The following MCC variants were observed in gnomAD, a reference collection of about 807,000 sequenced individuals.
MCC encodes the protein MCC regulator of Wnt signaling pathway, also known as colorectal mutant cancer protein.
Under a neutral mutation model 116.2 loss-of-function variants are expected in MCC, and 90 were observed. The ratio of observed to expected loss-of-function variants is 0.77; its 90% CI spans 0.65 to 0.92. MCC has a LOEUF of 0.92. MCC is among the 40% of genes least tolerant of loss of function. The pLI, the probability that MCC is intolerant of heterozygous loss-of-function variation, is 0.00. For synonymous variants in MCC, 578 were observed against 510.5 expected (o/e 1.13, Z -1.78); for missense variants, 1,516 against 1,312.2 (o/e 1.16, Z -2.40).
chr5:113,227,195 C>G (rs1358619348), intron 3 of MCC, among the ~76,000 whole-genome samples: 1 of 152,176 alleles, frequency 6.6e-6, no homozygotes, highest in Non-Finnish European at 1.5e-5. Flanking sequence ...TAATATTTCT[C>G]TAGACACATT....
At chr5:113,205,358 T>C (rs1201079983) in intron 3 of MCC, among the ~76,000 whole-genome samples, 1 of 152,224 alleles carries the variant, frequency 6.6e-6, no homozygotes, top group Non-Finnish European at 1.5e-5. Flanking sequence ...CCTGCTTGCT[T>C]ACTAAACAGG....
chr5:113,328,945 G>T (rs918689567), intron 3 of MCC, among the ~76,000 whole-genome samples: 1 of 152,156 alleles, frequency 6.6e-6, no homozygotes, highest in Non-Finnish European at 1.5e-5. Flanking sequence ...GACACTGCCT[G>T]CAGCATCCCT....
At chr5:113,471,991 C>T (rs978684730) in intron 1 of MCC, among the ~76,000 whole-genome samples, 4 of 152,000 alleles carry the variant, frequency 2.6e-5, no homozygotes, top group South Asian at 2.1e-4. Context: ...CCTGGTGTGC[C>T]GTTTTTTAAG....
chr5:113,222,859 C>G (rs1252309784), intron 3 of MCC, among the ~76,000 whole-genome samples: 1 of 152,176 alleles, frequency 6.6e-6, no homozygotes, highest in African/African-American at 2.4e-5. Context: ...AAAGAACACA[C>G]AACCCTGGGG....
intron 8 of MCC, among the ~76,000 whole-genome samples, chr5:113,094,642 G>A (rs796757751): frequency 3.9e-5 from 6 of 152,010 alleles, no homozygotes; most frequent in African/African-American, 9.7e-5. Context: ...GGCTGGTCTC[G>A]AACTCCTGAC....
At chr5:113,168,861 G>A (rs1457900535) in intron 3 of MCC, among the ~76,000 whole-genome samples, 3 of 152,258 alleles carry the variant, frequency 2.0e-5, no homozygotes, top group Admixed American at 2.0e-4. Context: ...AAAGCACAAA[G>A]ACTCTAAATT....
In MCC at chr5:113,043,135, A is replaced by G. The variant is rs372284509; in HGVS notation, c.2756+395T>C. ...ATAGAGGAAAATTTCCCAGAACTAAATAAATACACAAAGCTTTTTCACACT... is the reference window on the plus strand; with the variant it reads ...ATAGAGGAAAATTTCCCAGAACTAAGTAAATACACAAAGCTTTTTCACACT... On this transcript the variant is annotated intron_variant, in intron 17 of 18. Coordinates refer to ENST00000408903, the MANE Select transcript of MCC (RefSeq NM_001085377.2). 5.9e-5 allele frequency among the ~76,000 whole-genome samples: 9 copies of G among 152,350 alleles called. No homozygotes were observed. In the South Asian group the frequency reaches 1.7e-3, roughly 28 times the overall value.
chr5:113,333,086 A>T (rs1356439599), intron 3 of MCC, among the ~76,000 whole-genome samples: 1 of 151,680 alleles, frequency 6.6e-6, no homozygotes, highest in Non-Finnish European at 1.5e-5. Flanking sequence ...ATATGAAAAA[A>T]GGGGGAAACA....
intron 5 of MCC, among the ~76,000 whole-genome samples, chr5:113,133,373 T>A (rs1758585568): frequency 6.6e-6 from 1 of 152,174 alleles, no homozygotes; most frequent in Non-Finnish European, 1.5e-5. Flanking sequence ...CCCACATGAG[T>A]AAGAACATGC....
rs143632813 is a variant in MCC at position 113,127,417 on chromosome 5, G to T, written c.885-4591C>A. On this transcript the variant is annotated intron_variant, in intron 5 of 18. Transcript: ENST00000408903. ...CTAGTTCTGCTTTTAGCTCTTTGAGGAATTGCCATACTGTTTCCCACAATG... is the reference window on the plus strand; with the variant it reads ...CTAGTTCTGCTTTTAGCTCTTTGAGTAATTGCCATACTGTTTCCCACAATG... 7.9e-5 allele frequency among the ~76,000 whole-genome samples: 12 copies of T among 152,266 alleles called. No individual in the cohort carries two copies. In the East Asian group the frequency reaches 2.3e-3, roughly 29 times the overall value.
At chr5:113,291,828 T>G (rs2150361340) in intron 3 of MCC, among the ~76,000 whole-genome samples, 1 of 152,350 alleles carries the variant, frequency 6.6e-6, no homozygotes, top group Middle Eastern at 3.4e-3. Context: ...ACGAATTGTA[T>G]TTGAATCTAT....
At chr5:113,371,695 G>A (rs753001331) in intron 2 of MCC, among the ~76,000 whole-genome samples, 3 of 152,042 alleles carry the variant, frequency 2.0e-5, no homozygotes, top group African/African-American at 4.8e-5. Context: ...TAAATTTAAC[G>A]GATTTAAACT....
chr5:113,422,288 G>T (rs951287301), intron 1 of MCC, among the ~76,000 whole-genome samples: 13 of 152,194 alleles, frequency 8.5e-5, no homozygotes, highest in Admixed American at 5.9e-4. Flanking sequence ...CCACCATACA[G>T]ATACAAGAGA....
At chr5:113,390,857 G>C (rs990904669) in intron 1 of MCC, among the ~76,000 whole-genome samples, 1 of 152,146 alleles carries the variant, frequency 6.6e-6, no homozygotes, top group African/African-American at 2.4e-5. Context: ...AGAAATAGTT[G>C]CTCATGAAAG....
chr5:113,418,158 G>C (rs1008841304), intron 1 of MCC, among the ~76,000 whole-genome samples: 3 of 151,764 alleles, frequency 2.0e-5, no homozygotes, highest in African/African-American at 7.3e-5. Flanking sequence ...AGAGGCTTCA[G>C]GTATGATCTC....
At chr5:113,235,535 A>G (rs956178426) in intron 3 of MCC, among the ~76,000 whole-genome samples, 4 of 152,240 alleles carry the variant, frequency 2.6e-5, no homozygotes, top group Non-Finnish European at 5.9e-5. Context: ...TATCATGCAT[A>G]CAGGAACTGA....
chr5:113,333,836 T>TACATATGTACATATATGTACATATGTAC lies in MCC; in HGVS notation c.627+6682_627+6683insGTACATATGTACATATATGTACATATGT, dbSNP rs372077130. Among the ~76,000 whole-genome samples, 19 of 59,316 alleles carry TACATATGTACATATATGTACATATGTAC rather than the reference T, an allele frequency of 3.2e-4. 3 individuals are homozygous for TACATATGTACATATATGTACATATGTAC. Among genetic ancestry groups the TACATATGTACATATATGTACATATGTAC allele is most frequent in the African/African-American group, 2.0e-3 (19 of 9,538 alleles). The allele number at this position is 59,316 out of a possible 152,430, so 38.9% of individuals were successfully genotyped here. On this transcript the variant is annotated intron_variant, in intron 3 of 18. Transcript: ENST00000408903. ...ATATATGTACATATATGTATATATG[T>TACATATGTACATATATGTACATATGTAC]ATATATGTATATATGTACATATATG...
chr5:113,382,735 TC>T (rs1561545577), intron 2 of MCC, among the ~76,000 whole-genome samples: 1 of 152,174 alleles, frequency 6.6e-6, no homozygotes, highest in African/African-American at 2.4e-5. Flanking sequence ...GCTCCTTTAT[TC>T]CCCCAAATAA....
chr5:113,434,366 G>A lies in MCC; in HGVS notation c.171-49154C>T, dbSNP rs756149487. On this transcript the variant is annotated intron_variant, in intron 1 of 18. Coordinates refer to ENST00000408903, the MANE Select transcript of MCC (RefSeq NM_001085377.2). The surrounding 1 kb of genome is among the most constrained non-coding windows in gnomAD (Gnocchi z 4.2). Reference sequence around the variant, plus strand: ...CACTGTCATCCCGCAGGCAGCGCTTGGAGAAGCTGAAGTCGGACAGCTTGA... The same window carrying A: ...CACTGTCATCCCGCAGGCAGCGCTTAGAGAAGCTGAAGTCGGACAGCTTGA... The A allele has an allele frequency of 1.1e-5, 17 of 1,613,830 alleles. No individual in the cohort carries two copies. In the East Asian group the frequency reaches 2.9e-4, roughly 28 times the overall value.
Sources: allele counts gnomAD v4.1 joint callset (sites outside exome capture counted in the v4.1 genomes callset), GRCh38; gene constraint gnomAD v4.1.1; non-coding constraint Gnocchi (gnomAD v3.1); transcripts MANE v1.5; gene names NCBI Gene and HGNC (gene_info 2026-07-23, HGNC 2026-07-21).